CSMD3: variants seen among roughly 807,000 people sequenced by gnomAD.
The protein encoded by CSMD3 is CUB and sushi domain-containing protein 3.
CSMD3 carries 177 observed loss-of-function variants against 435.2 expected under a neutral mutation model. The observed-to-expected ratio is 0.41, with a 90% CI of 0.36 to 0.46. CSMD3 has a LOEUF of 0.46. CSMD3 is among the 20% of genes least tolerant of loss of function. CSMD3 has a pLI of 0.34. For missense variants in CSMD3, 4,265 were observed against 4,504.6 expected (o/e 0.95, Z 1.52); for synonymous variants, 1,656 against 1,520.5 (o/e 1.09, Z -2.07).
At chr8:112,973,028 A>C (rs913520388) in intron 7 of CSMD3, among the ~76,000 whole-genome samples, 11 of 151,966 alleles carry the variant, frequency 7.2e-5, no homozygotes, top group African/African-American at 2.7e-4. Flanking sequence ...TTGGCTAATT[A>C]AAATAAATTG....
chr8:113,028,178 C>A (rs2086948824), intron 5 of CSMD3, among the ~76,000 whole-genome samples: 1 of 152,012 alleles, frequency 6.6e-6, no homozygotes. Flanking sequence ...ATTATTATTT[C>A]TGTTATGGTG....
chr8:113,421,909 A>G (rs1374650166), intron 1 of CSMD3, among the ~76,000 whole-genome samples: 3 of 152,208 alleles, frequency 2.0e-5, no homozygotes, highest in Non-Finnish European at 4.4e-5. Context: ...GCCCAAGGAC[A>G]GGTTTGAGTG....
At chr8:113,057,501 T>G (rs2131350696) in intron 5 of CSMD3, among the ~76,000 whole-genome samples, 1 of 152,106 alleles carries the variant, frequency 6.6e-6, no homozygotes, top group African/African-American at 2.4e-5. Flanking sequence ...GAGCCAAAAA[T>G]TTACCAGAAC....
chr8:112,627,289 C>T (rs142856231), intron 22 of CSMD3, among the ~76,000 whole-genome samples: 1 of 152,062 alleles, frequency 6.6e-6, no homozygotes, highest in African/African-American at 2.4e-5. Flanking sequence ...TAGACATAGC[C>T]AAAGAAAAAG....
intron 19 of CSMD3, among the ~76,000 whole-genome samples, chr8:112,647,035 C>T (rs968994652): frequency 3.9e-5 from 6 of 152,030 alleles, no homozygotes; most frequent in African/African-American, 1.2e-4. Context: ...GAGAAAAATG[C>T]TGTAATTATT....
At chr8:113,239,630 G>C (rs528429212) in intron 3 of CSMD3, among the ~76,000 whole-genome samples, 26 of 152,046 alleles carry the variant, frequency 1.7e-4, no homozygotes, top group Middle Eastern at 6.8e-3. Context: ...ATCTAAATAT[G>C]TGTTAACATG....
intron 18 of CSMD3, among the ~76,000 whole-genome samples, chr8:112,654,302 G>A (rs2075203870): frequency 6.6e-6 from 1 of 152,272 alleles, no homozygotes; most frequent in African/African-American, 2.4e-5. Flanking sequence ...GAATGAAAAG[G>A]CTTTTGTTGG....
chr8:112,302,430 T>C (rs1188777477), intron 52 of CSMD3, among the ~76,000 whole-genome samples: 2 of 152,076 alleles, frequency 1.3e-5, no homozygotes, highest in Non-Finnish European at 2.9e-5. Flanking sequence ...AAGAACTCTA[T>C]CGTTTGAGTT....
intron 5 of CSMD3, among the ~76,000 whole-genome samples, chr8:113,056,266 G>A (rs2088333327): frequency 6.6e-6 from 1 of 152,162 alleles, no homozygotes; most frequent in African/African-American, 2.4e-5. Flanking sequence ...GAACACCCAT[G>A]TAGTATGAAC....
intron 18 of CSMD3, among the ~76,000 whole-genome samples, chr8:112,653,176 T>C (rs1258405542): frequency 6.6e-6 from 1 of 152,234 alleles, no homozygotes; most frequent in African/African-American, 2.4e-5. Context: ...CATGTCTGCA[T>C]TATATCAAAT....
intron 1 of CSMD3, among the ~76,000 whole-genome samples, chr8:113,389,172 A>G (rs1349793449): frequency 6.6e-6 from 1 of 151,708 alleles, no homozygotes; most frequent in Non-Finnish European, 1.5e-5. Context: ...ACAGCATGGA[A>G]TAGACCAAGA....
rs189244906 is a variant in CSMD3 at position 112,465,848 on chromosome 8, G to A, written c.5395+6743C>T. 6.6e-3 allele frequency among the ~76,000 whole-genome samples: 999 copies of A among 151,820 alleles called. 10 individuals carry two copies. The highest frequency in any genetic ancestry group is 0.023 in the African/African-American group (945 of 41,378). ...AAATTAGCTGGATGTGGTGGTGGGC[G>A]CCTATAATCCCAGCCACTTGGGAGG... On this transcript the variant is annotated intron_variant, in intron 32 of 70. Coordinates refer to ENST00000297405, the MANE Select transcript of CSMD3 (RefSeq NM_198123.2).
chr8:112,486,309 C>T (rs1419829645), intron 31 of CSMD3, among the ~76,000 whole-genome samples: 1 of 152,054 alleles, frequency 6.6e-6, no homozygotes, highest in South Asian at 2.1e-4. Flanking sequence ...ATTAACCAGT[C>T]TACCTATAGG....
intron 4 of CSMD3, among the ~76,000 whole-genome samples, chr8:113,119,346 G>A (rs1038781846): frequency 5.3e-5 from 8 of 152,022 alleles, no homozygotes; most frequent in South Asian, 4.1e-4. Flanking sequence ...AAAACAAAAT[G>A]AAACAATTAC....
intron 68 of CSMD3, 151 bp from the exon 69 acceptor site, chr8:112,231,783 T>A: frequency 1.6e-6 from 1 of 638,968 alleles, no homozygotes; most frequent in Non-Finnish European, 2.8e-6. Context: ...TAGCACATTG[T>A]GAAAATTTTC....
At chr8:112,640,621 G>A (rs1445372139) in intron 20 of CSMD3, among the ~76,000 whole-genome samples, 2 of 151,046 alleles carry the variant, frequency 1.3e-5, no homozygotes, top group African/African-American at 4.9e-5. Flanking sequence ...TCTATAATTG[G>A]CAGCAATACA....
intron 12 of CSMD3, among the ~76,000 whole-genome samples, chr8:112,812,174 A>T (rs2132392644): frequency 6.6e-6 from 1 of 152,288 alleles, no homozygotes; most frequent in South Asian, 2.1e-4. Context: ...GAAACACCTG[A>T]AACTGGTGAT....
chr8:113,022,068 A>T (rs1292583653), intron 5 of CSMD3, among the ~76,000 whole-genome samples: 1 of 152,176 alleles, frequency 6.6e-6, no homozygotes, highest in Non-Finnish European at 1.5e-5. Flanking sequence ...CATTCTAAAC[A>T]ATATGGTTTG....
At chr8:113,023,604 T>C (rs1357576170) in intron 5 of CSMD3, among the ~76,000 whole-genome samples, 1 of 152,146 alleles carries the variant, frequency 6.6e-6, no homozygotes, top group Non-Finnish European at 1.5e-5. Flanking sequence ...ATCTTATCCC[T>C]GGAACTTTGC....
Sources: gnomAD v4.1 joint callset for allele counts (sites outside exome capture counted in the v4.1 genomes callset) on GRCh38, gnomAD v4.1.1 for gene constraint, MANE v1.5 for transcripts, NCBI Gene and HGNC (gene_info 2026-07-23, HGNC 2026-07-21) for gene names.